Variants in DAB1 observed in about 807,000 individuals in gnomAD.
DAB1 encodes disabled homolog 1.
In DAB1, 15 loss-of-function variants were observed where a neutral mutation model predicts 64.6. The observed-to-expected ratio is 0.23, with a 90% CI of 0.16 to 0.36. The LOEUF is 0.36. Among genes scored for constraint, DAB1 ranks in the 10% least tolerant of loss-of-function variants. DAB1 has a pLI of 1.00. For missense variants in DAB1, 596 were observed against 706.7 expected (o/e 0.84, Z 1.78); for synonymous variants, 235 against 251.9 (o/e 0.93, Z 0.64).
intron 5 of DAB1, among the ~76,000 whole-genome samples, chr1:58,042,917 T>C (rs142871634): frequency 0.01 from 1,523 of 152,218 alleles, 37 homozygotes; most frequent in African/African-American, 0.036. Context: ...CACTGTGGGG[T>C]GATGGATTGG....
intron 10 of DAB1, among the ~76,000 whole-genome samples, chr1:57,025,510 G>T (rs61767018): frequency 0.013 from 1,938 of 152,278 alleles, 12 homozygotes; most frequent in Middle Eastern, 0.051. Flanking sequence ...AGGATGGGCA[G>T]AGCAGGGTGT....
intron 5 of DAB1, among the ~76,000 whole-genome samples, chr1:58,122,721 T>A (rs987636105): frequency 6.6e-6 from 1 of 152,144 alleles, no homozygotes; most frequent in Non-Finnish European, 1.5e-5. Flanking sequence ...TCACATAACC[T>A]CTCTGAGCTT....
At chr1:57,642,603 G>A (rs939340068) in intron 7 of DAB1, among the ~76,000 whole-genome samples, 3 of 151,990 alleles carry the variant, frequency 2.0e-5, no homozygotes, top group Non-Finnish European at 2.9e-5. Flanking sequence ...TCTCCCCAAC[G>A]CTAAAAATAA....
intron 7 of DAB1, among the ~76,000 whole-genome samples, chr1:57,458,873 C>G (rs913690955): frequency 7.2e-5 from 11 of 151,942 alleles, no homozygotes; most frequent in Admixed American, 7.2e-4. Context: ...TGTTTAAAGA[C>G]CAGAAAAAGG....
At chr1:57,479,186 G>C (rs780592596) in intron 7 of DAB1, among the ~76,000 whole-genome samples, 2 of 152,028 alleles carry the variant, frequency 1.3e-5, no homozygotes, top group Non-Finnish European at 2.9e-5. Context: ...GAATTAAGTT[G>C]AGCATTTACA....
chr1:57,122,579 A>T (rs1656758472), intron 4 of DAB1, among the ~76,000 whole-genome samples: 1 of 152,222 alleles, frequency 6.6e-6, no homozygotes, highest in Non-Finnish European at 1.5e-5. Flanking sequence ...AGACTGCAGG[A>T]ATAGAGATAC....
At chr1:57,436,217 G>A (rs1005318661) in intron 7 of DAB1, among the ~76,000 whole-genome samples, 6 of 152,018 alleles carry the variant, frequency 3.9e-5, no homozygotes, top group African/African-American at 1.4e-4. Context: ...ATGCCCGGCT[G>A]TGCTAGACTT....
intron 7 of DAB1, among the ~76,000 whole-genome samples, chr1:57,604,538 G>A (rs1399944143): frequency 6.6e-6 from 1 of 152,150 alleles, no homozygotes; most frequent in African/African-American, 2.4e-5. Context: ...TCATTTTGTA[G>A]CAGATACTTC....
At chr1:58,177,720 G>A (rs571821763) in intron 4 of DAB1, among the ~76,000 whole-genome samples, 28 of 149,236 alleles carry the variant, frequency 1.9e-4, no homozygotes, top group African/African-American at 5.4e-4. Context: ...TCATTCCCGA[G>A]AATGAAAAAA....
intron 6 of DAB1, among the ~76,000 whole-genome samples, chr1:57,756,847 C>T (rs76249376): frequency 0.044 from 6,712 of 152,086 alleles, 193 homozygotes; most frequent in Middle Eastern, 0.095. Context: ...TTAATGTACC[C>T]CCACTTTCCC....
chr1:58,443,129 T>A (rs1463811002), intron 3 of DAB1, among the ~76,000 whole-genome samples: 1 of 152,170 alleles, frequency 6.6e-6, no homozygotes, highest in Non-Finnish European at 1.5e-5. Context: ...CCACTTCCTG[T>A]TCCTCCTTAG....
intron 7 of DAB1, among the ~76,000 whole-genome samples, chr1:57,604,051 G>A (rs1030764196): frequency 6.6e-6 from 1 of 152,202 alleles, no homozygotes; most frequent in African/African-American, 2.4e-5. Flanking sequence ...GGCCTCCACT[G>A]CCCTGAAGAA....
chr1:58,083,266 T>C (rs2100596332), intron 5 of DAB1, among the ~76,000 whole-genome samples: 1 of 152,322 alleles, frequency 6.6e-6, no homozygotes, highest in Admixed American at 6.5e-5. Flanking sequence ...CAGATTTCAT[T>C]TGTTCAATAT....
At chr1:57,104,276 C>T (rs1654945973) in intron 4 of DAB1, among the ~76,000 whole-genome samples, 1 of 151,970 alleles carries the variant, frequency 6.6e-6, no homozygotes, top group South Asian at 2.1e-4. Context: ...TGGTCACTCA[C>T]AGGGTAGGTC....
chr1:57,908,669 C>A lies in DAB1; in HGVS notation n.388-24507G>T, dbSNP rs545809007. On this transcript the variant is annotated intron_variant and non_coding_transcript_variant, in intron 5 of 20. Coordinates refer to the DAB1 transcript ENST00000485760. Reference sequence around the variant, plus strand: ...AGAACTTGGCAGCTCAGAAACCAAGCAGATTGGAAGGGGTGGAGGGAAGAT... The same window carrying A: ...AGAACTTGGCAGCTCAGAAACCAAGAAGATTGGAAGGGGTGGAGGGAAGAT... 3.9e-5 allele frequency among the ~76,000 whole-genome samples: 6 copies of A among 152,202 alleles called. No homozygotes were observed. The East Asian group carries it at 1.2e-3, about 30-fold the overall frequency.
intron 9 of DAB1, among the ~76,000 whole-genome samples, chr1:57,045,562 G>T (rs1000521846): frequency 6.6e-6 from 1 of 152,214 alleles, no homozygotes; most frequent in South Asian, 2.1e-4. Flanking sequence ...GCTGGGCATC[G>T]TGGCACATGT....
chr1:58,034,391 G>A (rs1483498093), intron 5 of DAB1, among the ~76,000 whole-genome samples: 1 of 152,198 alleles, frequency 6.6e-6, no homozygotes. Context: ...CTGCAGCCCT[G>A]ACTAATATTG....
intron 4 of DAB1, among the ~76,000 whole-genome samples, chr1:58,260,157 T>G (rs1413907989): frequency 6.6e-6 from 1 of 152,130 alleles, no homozygotes; most frequent in Non-Finnish European, 1.5e-5. Flanking sequence ...ACTATGAGAT[T>G]ATGTTCCCTG....
chr1:57,879,061 T>TC (rs1644101034), intron 1 of DAB1, among the ~76,000 whole-genome samples: 1 of 152,176 alleles, frequency 6.6e-6, no homozygotes, highest in Non-Finnish European at 1.5e-5. Flanking sequence ...TCATTTTTTA[T>TC]CCATTCATCT....
Sources: gnomAD v4.1 joint callset for allele counts (sites outside exome capture counted in the v4.1 genomes callset) on GRCh38, gnomAD v4.1.1 for gene constraint, MANE v1.5 for transcripts, NCBI Gene and HGNC (gene_info 2026-07-23, HGNC 2026-07-21) for gene names.